PGAP4: variants seen among roughly 807,000 people sequenced by gnomAD.
The protein encoded by PGAP4 is post-GPI attachment to proteins GalNAc transferase 4.
A neutral mutation model predicts 28.2 loss-of-function variants in PGAP4; 12 were observed. The ratio of observed to expected loss-of-function variants is 0.42; its 90% confidence interval spans 0.27 to 0.69. The LOEUF (loss-of-function observed/expected upper bound fraction) is 0.69. PGAP4 is among the 30% of genes least tolerant of loss of function. The pLI, the probability that PGAP4 is intolerant of heterozygous loss-of-function variation, is 0.22. For synonymous variants in PGAP4, 205 were observed against 211.8 expected, an observed-to-expected ratio of 0.97 and a Z score of 0.28; for missense variants, 425 against 513.5, an observed-to-expected ratio of 0.83 and a Z score of 1.67.
rs906548262 is a variant in PGAP4, at chr9:101,475,109, A to T, written c.*772T>A. 1 of 151,724 alleles carries T rather than the reference A, an allele frequency of 6.6e-6. No homozygotes were observed. The highest frequency in any genetic ancestry group is 1.5e-5 in the Non-Finnish European group (1 of 68,016). 9.4% of individuals were successfully genotyped at this position (151,724 alleles called of 1,614,324 possible). ...CTTGTAAAGAGCTCCCCTATATTGT[A>T]TCATTCTGAAATGTCCAATTTTCAA... On this transcript the variant is annotated 3_prime_UTR_variant, in exon 2 of 2. Coordinates refer to ENST00000374848, the MANE Select transcript of PGAP4 (RefSeq NM_032342.3).
At chr9:101,504,541 C>G (rs1035567578) in intron 2 of PGAP4, among the ~76,000 whole-genome samples, 5 of 151,920 alleles carry the variant, frequency 3.3e-5, no homozygotes, top group African/African-American at 1.2e-4. Flanking sequence ...CTTTCTGTGC[C>G]TCTCTGTTTC....
intron 2 of PGAP4, among the ~76,000 whole-genome samples, chr9:101,493,532 T>G (rs1470001709): frequency 1.3e-5 from 2 of 152,162 alleles, no homozygotes; most frequent in East Asian, 3.9e-4. Flanking sequence ...AATGATTTCT[T>G]AGGTTAGGTT....
At chr9:101,517,108 C>T (rs1826950136) in intron 2 of PGAP4, among the ~76,000 whole-genome samples, 2 of 152,144 alleles carry the variant, frequency 1.3e-5, no homozygotes, top group Admixed American at 1.3e-4. Flanking sequence ...ATTGCAGTAA[C>T]TGAAATTTGC....
At chr9:101,522,238 T>C (rs551748758) in intron 2 of PGAP4, among the ~76,000 whole-genome samples, 86 of 152,294 alleles carry the variant, frequency 5.6e-4, no homozygotes, top group Non-Finnish European at 9.6e-4. Context: ...CATTTGTTCC[T>C]AGGTATAGTT....
chr9:101,476,325 A>G lies in PGAP4; in HGVS notation c.768T>C (p.Asn256=). 1.2e-6 allele frequency: 2 copies of G among 1,614,034 alleles called. No homozygotes were observed. Among genetic ancestry groups the G allele is most frequent in the Non-Finnish European group, 1.7e-6 (2 of 1,180,004 alleles). ...ATTCCAGGATCCGCATGGGCTCTGG[A>G]TTGATGTAGTGCTGGAGCCTCTCGG... ...YHPERLQHYI[N]PEPMRILEWV... The change falls in exon 2 of 2, where the codon AAT becomes AAC. Residue 256 remains asparagine (N), a synonymous_variant. Transcript: ENST00000374848. The surrounding 1 kb of genome is among the most constrained non-coding windows in gnomAD (Gnocchi z 7.0).
At chr9:101,523,950 C>A (rs1004752752) in intron 2 of PGAP4, among the ~76,000 whole-genome samples, 1 of 151,842 alleles carries the variant, frequency 6.6e-6, no homozygotes, top group Admixed American at 6.6e-5. Context: ...GTACTCTCCC[C>A]CTTTTCCTAT....
chr9:101,485,978 C>G (rs1369681369), intron 1 of PGAP4, among the ~76,000 whole-genome samples: 1 of 152,180 alleles, frequency 6.6e-6, no homozygotes, highest in African/African-American at 2.4e-5. Context: ...CGCACACACA[C>G]CCGCATGTGT....
In PGAP4 at chr9:101,486,325, T is replaced by G. The variant is rs545651131; in HGVS notation, c.-78+624A>C. 2.6e-5 allele frequency among the ~76,000 whole-genome samples: 4 copies of G among 152,308 alleles called. No individual in the cohort carries two copies. In the South Asian group the frequency reaches 8.3e-4, roughly 32 times the overall value. ...AGGCCGAGCTGACCGTCTCCATCGC[T>G]GCGCTCCTTCCCTTCTGCTGGTTTT... On this transcript the variant is annotated intron_variant, in intron 1 of 1. Coordinates refer to ENST00000374848, the MANE Select transcript of PGAP4 (RefSeq NM_032342.3). The surrounding 1 kb of genome is among the most constrained non-coding windows in gnomAD (Gnocchi z 4.7).
rs1245170432 is a variant in PGAP4, at chr9:101,523,619, C to CATTTTT, written c.-165+7728_-165+7729insAAAAAT. On this transcript the variant is annotated intron_variant, in intron 2 of 3. Transcript: ENST00000374851. ...ACATTTCTCCCCTCACTTCTTGTAT[C>CATTTTT]TTTTTTTTTTTTTTTTTTTTTTTTT... Among the ~76,000 whole-genome samples the CATTTTT allele has an allele frequency of 4.1e-3, 245 of 59,296 alleles. 10 individuals carry two copies. Among genetic ancestry groups the CATTTTT allele is most frequent in the Non-Finnish European group, 5.1e-3 (166 of 32,430 alleles). The allele number at this position is 59,296 out of a possible 152,430, so 38.9% of individuals were successfully genotyped here.
intron 2 of PGAP4, among the ~76,000 whole-genome samples, chr9:101,499,087 A>G (rs1826775858): frequency 6.6e-6 from 1 of 151,994 alleles, no homozygotes; most frequent in African/African-American, 2.4e-5. Flanking sequence ...TTCAATCGAA[A>G]AAGACTTGTC....
chr9:101,498,895 C>T (rs937232265), intron 2 of PGAP4, among the ~76,000 whole-genome samples: 1 of 151,638 alleles, frequency 6.6e-6, no homozygotes, highest in African/African-American at 2.4e-5. Flanking sequence ...TTTTTTTCTT[C>T]CCAGAAGATT....
chr9:101,476,529 C>T lies in PGAP4; in HGVS notation c.564G>A (p.Lys188=). ...ACTCCAGGCAATAGACATAGTCCTGCTTCTCTTTCTCAAACGAGTTGGTCG... is the reference window on the plus strand; with the variant it reads ...ACTCCAGGCAATAGACATAGTCCTGTTTCTCTTTCTCAAACGAGTTGGTCG... ...DPSTNSFEKE[K]QDYVYCLESS... The change falls in exon 2 of 2, where the codon AAG becomes AAA. Residue 188 remains lysine (K), a synonymous_variant. Transcript: ENST00000374848. This position sits in a 1 kb window ranked among gnomAD's most constrained non-coding sequence, Gnocchi z 7.0. The T allele has an allele frequency of 1.2e-6, 2 of 1,614,204 alleles. No individual in the cohort carries two copies. The highest frequency in any genetic ancestry group is 1.7e-6 in the Non-Finnish European group (2 of 1,180,054).
At chr9:101,510,996 C>G (rs1826893291) in intron 2 of PGAP4, among the ~76,000 whole-genome samples, 1 of 152,184 alleles carries the variant, frequency 6.6e-6, no homozygotes, top group Non-Finnish European at 1.5e-5. Context: ...GCAGTCAAAC[C>G]TCTCTGCTAA....
Position 101,476,759 on chromosome 9 carries a change from G to A in PGAP4, c.334C>T (p.Gln112Ter). Residue 112 changes from glutamine (Q) to a stop codon, truncating the protein, a stop_gained, in exon 2 of 2, where the codon CAG becomes TAG. Transcript: ENST00000374848. LOFTEE classifies it high-confidence loss of function. The surrounding 1 kb of genome is among the most constrained non-coding windows in gnomAD (Gnocchi z 7.0). ...TGCAGGACGTAGTGGAAGCCAGGCT[G>A]CCTGTCCACAGTGATGATGGTGATC... ...LVITIITVDR[Q>*]PGFHYVLQVV... is the part of the protein sequence containing the mutation. 6.2e-7 allele frequency: 1 copy of A among 1,613,588 alleles called. No homozygotes were observed. Among genetic ancestry groups the A allele is most frequent in the Non-Finnish European group, 8.5e-7 (1 of 1,179,652 alleles).
upstream of PGAP4, chr9:101,489,125 G>C (rs1194825094): frequency 6.6e-6 from 1 of 152,080 alleles, no homozygotes; most frequent in Non-Finnish European, 1.5e-5. Context: ...CAAACTGCTA[G>C]AAAGAGGAAA....
intron 2 of PGAP4, among the ~76,000 whole-genome samples, chr9:101,519,879 T>C (rs915530090): frequency 1.3e-5 from 2 of 152,160 alleles, no homozygotes; most frequent in African/African-American, 4.8e-5. Context: ...GCTTAATCCA[T>C]CTTGGGTTGA....
At chr9:101,518,400 C>T (rs1826958930) in intron 2 of PGAP4, among the ~76,000 whole-genome samples, 2 of 152,126 alleles carry the variant, frequency 1.3e-5, no homozygotes, top group African/African-American at 2.4e-5. Flanking sequence ...TACACTGCAC[C>T]ATATTTGTAG....
chr9:101,506,056 T>C (rs910723296), intron 2 of PGAP4, among the ~76,000 whole-genome samples: 1 of 152,110 alleles, frequency 6.6e-6, no homozygotes, highest in Non-Finnish European at 1.5e-5. Context: ...TCCAATAAAA[T>C]GTTACCATTT....
intron 1 of PGAP4, among the ~76,000 whole-genome samples, chr9:101,477,504 A>G (rs1358731271): frequency 6.6e-6 from 1 of 152,146 alleles, no homozygotes; most frequent in Non-Finnish European, 1.5e-5. Context: ...TCTATTCACC[A>G]GCTACACAGA....
Sources: allele counts gnomAD v4.1 joint callset (sites outside exome capture counted in the v4.1 genomes callset), GRCh38; gene constraint gnomAD v4.1.1; non-coding constraint Gnocchi (gnomAD v3.1); transcripts MANE v1.5; gene names NCBI Gene and HGNC (gene_info 2026-07-23, HGNC 2026-07-21).